ZNF98: variants seen among roughly 807,000 people sequenced by gnomAD.
The protein encoded by ZNF98 is zinc finger protein 98.
A neutral mutation model predicts 12.8 loss-of-function variants in ZNF98; 8 were observed. That is an observed-to-expected ratio of 0.63 (90% CI 0.37 to 1.13). The LOEUF is 1.13. Ranked by LOEUF, ZNF98 falls within the 50% of genes most tolerant of loss-of-function variation. The probability of loss-of-function intolerance (pLI) is 0.01; values close to 1 mark genes in which losing one functional copy is unlikely to be tolerated. For missense variants in ZNF98, 379 were observed against 666.1 expected (o/e 0.57, Z 4.74); for synonymous variants, 112 against 223.5 (o/e 0.50, Z 4.45).
chr19:22,395,724 C>G (rs1456441339), intron 3 of ZNF98, among the ~76,000 whole-genome samples: 1 of 151,934 alleles, frequency 6.6e-6, no homozygotes, highest in South Asian at 2.1e-4. Flanking sequence ...AGCACATTTT[C>G]AAAAATCACA....
chr19:22,405,186 A>C (rs914407818), intron 1 of ZNF98, among the ~76,000 whole-genome samples: 48 of 151,956 alleles, frequency 3.2e-4, no homozygotes, highest in Admixed American at 2.0e-4. Context: ...GCACATGTAG[A>C]AAAGTAAAGC....
chr19:22,422,081 G>A, intron 1 of ZNF98, 114 bp downstream of exon 1: 1 of 1,340,752 alleles, frequency 7.5e-7, no homozygotes, highest in Non-Finnish European at 1.1e-6. Context: ...GGAGAACTAG[G>A]GGCACGGATT....
intron 3 of ZNF98, among the ~76,000 whole-genome samples, chr19:22,401,846 A>G (rs1381717932): frequency 6.6e-6 from 1 of 151,680 alleles, no homozygotes; most frequent in East Asian, 1.9e-4. Context: ...TAAATTCCCT[A>G]TCAAAATTCC....
At chr19:22,413,079 TA>T (rs147517601) in intron 1 of ZNF98, among the ~76,000 whole-genome samples, 9,734 of 150,194 alleles carry the variant, frequency 0.065, 790 homozygotes, top group African/African-American at 0.19. Flanking sequence ...AAAATAAAAA[TA>T]AAAAAAAATA....
intron 1 of ZNF98, among the ~76,000 whole-genome samples, chr19:22,415,080 ATTT>A (rs201741694): frequency 6.6e-6 from 1 of 150,812 alleles, no homozygotes; most frequent in African/African-American, 2.4e-5. Context: ...CATGAAAAAG[ATTT>A]TTTTTTCAAA....
At chr19:22,418,272 A>C (rs1017048763) in intron 1 of ZNF98, among the ~76,000 whole-genome samples, 3 of 152,176 alleles carry the variant, frequency 2.0e-5, no homozygotes, top group African/African-American at 4.8e-5. Flanking sequence ...CTCAAGTTTC[A>C]TAATTTGATA....
rs368561487 is a variant in ZNF98 at position 22,407,982 on chromosome 19, A to C, written c.31-4470T>G. Among the ~76,000 whole-genome samples, 565 of 152,018 alleles carry C rather than the reference A, an allele frequency of 3.7e-3. 10 individuals are homozygous for C. Among genetic ancestry groups the C allele is most frequent in the African/African-American group, 0.013 (541 of 41,458 alleles). ...GCTACTAGAGAGGCTGAGGCAGGAG[A>C]ATCACTTGAACCCAGGAGGCAGAGG... On this transcript the variant is annotated intron_variant, in intron 1 of 3. Coordinates refer to ENST00000357774, the MANE Select transcript of ZNF98 (RefSeq NM_001098626.2).
chr19:22,407,799 G>A lies in ZNF98; in HGVS notation c.31-4287C>T, dbSNP rs145198774. Among the ~76,000 whole-genome samples, 765 of 151,990 alleles carry A rather than the reference G, an allele frequency of 5.0e-3. 5 individuals are homozygous for A. The highest frequency in any genetic ancestry group is 0.031 in the Middle Eastern group (9 of 294). ...AAAAAACATCCACCAGGTCGGGCGC[G>A]GTAGCTCACGCCTGTAATCCGCCAC... On this transcript the variant is annotated intron_variant, in intron 1 of 3. Coordinates refer to ENST00000357774, the MANE Select transcript of ZNF98 (RefSeq NM_001098626.2).
intron 3 of ZNF98, among the ~76,000 whole-genome samples, chr19:22,394,533 G>A (rs1969368129): frequency 6.6e-6 from 1 of 152,112 alleles, no homozygotes; most frequent in Admixed American, 6.6e-5. Context: ...CATGTCCTTT[G>A]CAGGCACATG....
chr19:22,409,604 A>C (rs767751466), intron 1 of ZNF98, among the ~76,000 whole-genome samples: 27 of 152,186 alleles, frequency 1.8e-4, no homozygotes, highest in Admixed American at 1.4e-3. Context: ...GAAAAAAACA[A>C]ACAATTCCAT....
intron 1 of ZNF98, among the ~76,000 whole-genome samples, chr19:22,403,850 C>T (rs1969489039): frequency 6.6e-6 from 1 of 152,226 alleles, no homozygotes; most frequent in African/African-American, 2.4e-5. Context: ...ATGGAAAAGA[C>T]ATATTCAGTT....
rs1369016718 is a variant in ZNF98 at position 22,392,940 on chromosome 19, C to A, written c.295G>T (p.Gly99Cys). ...ACTTTTTGGAAATAATTTTTTTTGC[C>A]CTGCTTTGGCCAAAGGTCTTGGGCA... ...YFAQDLWPKQ[G>C]KKNYFQKVIL... The change falls in exon 4 of 4, where the codon GGC (glycine) becomes TGC (cysteine). Residue 99 changes from glycine to cysteine, a missense_variant. Around this residue, in one of 8 missense-constraint regions of ZNF98, gnomAD observed 223 missense variants for 261.6 expected, o/e 0.85. Transcript: ENST00000357774. 2.6e-6 allele frequency: 4 copies of A among 1,566,322 alleles called. No individual in the cohort carries two copies. Among genetic ancestry groups the A allele is most frequent in the Non-Finnish European group, 3.4e-6 (4 of 1,161,068 alleles).
rs1969321057 is a variant in ZNF98 at position 22,391,508 on chromosome 19, TA to T, written c.*7del. On this transcript the variant is annotated 3_prime_UTR_variant, in exon 4 of 4. Coordinates refer to ENST00000357774, the MANE Select transcript of ZNF98 (RefSeq NM_001098626.2). ...CCATTTAAAGGCTTTGTCACATTCA[TA>T]TTTCTATTATTTCTCACCAGCACAA... The T allele has an allele frequency of 1.3e-6, 2 of 1,543,630 alleles. No homozygotes were observed. The highest frequency in any genetic ancestry group is 1.7e-6 in the Non-Finnish European group (2 of 1,144,242).
At chr19:22,411,723 T>G (rs186510313) in intron 1 of ZNF98, among the ~76,000 whole-genome samples, 6 of 152,312 alleles carry the variant, frequency 3.9e-5, no homozygotes, top group Non-Finnish European at 5.9e-5. Context: ...AAAACAGAGA[T>G]AAACAAAATA....
chr19:22,409,191 A>G (rs1368032054), intron 1 of ZNF98, among the ~76,000 whole-genome samples: 1 of 152,240 alleles, frequency 6.6e-6, no homozygotes, highest in Non-Finnish European at 1.5e-5. Flanking sequence ...CAATGGGGAA[A>G]GGATTTTCTG....
chr19:22,409,570 C>T (rs951361980), intron 1 of ZNF98, among the ~76,000 whole-genome samples: 2 of 151,952 alleles, frequency 1.3e-5, no homozygotes, highest in African/African-American at 4.8e-5. Flanking sequence ...CCAGAATTTA[C>T]AAGAAACTTT....
intron 1 of ZNF98, among the ~76,000 whole-genome samples, chr19:22,409,420 A>G (rs540307340): frequency 2.0e-5 from 3 of 152,314 alleles, no homozygotes; most frequent in African/African-American, 7.2e-5. Flanking sequence ...CAATTGCAAC[A>G]AAAGCCAAAA....
intron 3 of ZNF98, among the ~76,000 whole-genome samples, chr19:22,395,835 G>A (rs1270019448): frequency 1.3e-5 from 2 of 149,602 alleles, no homozygotes; most frequent in Non-Finnish European, 3.0e-5. Context: ...AAATTTTGCA[G>A]ATCAGAAAGA....
chr19:22,396,159 T>A (rs1969390868), intron 3 of ZNF98, among the ~76,000 whole-genome samples: 1 of 152,144 alleles, frequency 6.6e-6, no homozygotes, highest in African/African-American at 2.4e-5. Context: ...ACATTTTAAA[T>A]TATCTCTAAA....
Sources: allele counts gnomAD v4.1 joint callset (sites outside exome capture counted in the v4.1 genomes callset), GRCh38; gene constraint gnomAD v4.1.1; regional missense constraint gnomAD v4.1.1; transcripts MANE v1.5; gene names NCBI Gene and HGNC (gene_info 2026-07-23, HGNC 2026-07-21).